The following SAMD4B variants were observed in gnomAD, a reference collection of about 807,000 sequenced individuals.
SAMD4B encodes sterile alpha motif domain containing 4B, also known as protein Smaug homolog 2.
In SAMD4B, 5 loss-of-function variants were observed where a neutral mutation model predicts 74.5. The observed-to-expected ratio is 0.07, with a 90% CI of 0.04 to 0.14. SAMD4B has a LOEUF of 0.14. Ranked by LOEUF, SAMD4B falls within the 10% of genes least tolerant of loss-of-function variation. The pLI, the probability that SAMD4B is intolerant of heterozygous loss-of-function variation, is 1.00. For missense variants in SAMD4B, 608 were observed against 921.8 expected (o/e 0.66, Z 4.41); for synonymous variants, 373 against 374.9 (o/e 1.00, Z 0.06).
Position 39,376,556 on chromosome 19 carries a change from A to C in SAMD4B, c.1017+10A>C, listed in dbSNP as rs1306117670. On this transcript the variant is annotated intron_variant, in intron 6 of 13. Coordinates refer to ENST00000610417, the MANE Select transcript of SAMD4B (RefSeq NM_001384574.2). ...GCACCTGGAGTCTCAGGTGAAGCCA[A>C]GGGGACCATCAGGGAGGTGCTGGGG... 27 of 1,610,202 alleles carry C rather than the reference A, an allele frequency of 1.7e-5. 1 individual carries two copies. Among genetic ancestry groups the C allele is most frequent in the South Asian group, 1.4e-4 (13 of 90,994 alleles).
intron 1 of SAMD4B, among the ~76,000 whole-genome samples, chr19:39,346,918 A>C (rs2075736016): frequency 6.6e-6 from 1 of 152,220 alleles, no homozygotes; most frequent in Admixed American, 6.5e-5. Context: ...GGATTAAATA[A>C]GTTAATACAT....
At chr19:39,352,769 G>T (rs1436524269) in intron 1 of SAMD4B, among the ~76,000 whole-genome samples, 1 of 149,768 alleles carries the variant, frequency 6.7e-6, no homozygotes, top group Non-Finnish European at 1.5e-5. Flanking sequence ...TGGAGGGGGG[G>T]AACAGTGCTG....
At chr19:39,360,935 GC>G (rs2076610115) in intron 3 of SAMD4B, among the ~76,000 whole-genome samples, 1 of 152,116 alleles carries the variant, frequency 6.6e-6, no homozygotes, top group Admixed American at 6.6e-5. Context: ...GAGAGGTGAT[GC>G]CCTGCTGGAT....
At position 39,385,244 on chromosome 19, in the gene SAMD4B, T is replaced by A; in HGVS notation, c.*1717T>A. ...CTTCTCCAGTCCCCCTCCCACTAGC[T>A]GCAGGAAGTGGGATGGATGGGCCAC... is the stretch of plus-strand genomic sequence containing the variant. On this transcript the variant is annotated 3_prime_UTR_variant, in exon 14 of 14. Transcript: ENST00000610417. 13 of 256,740 alleles carry A rather than the reference T, an allele frequency of 5.1e-5. No individual in the cohort carries two copies. Among genetic ancestry groups the A allele is most frequent in the East Asian group, 6.8e-5 (1 of 14,638 alleles). The allele number at this position is 256,740 out of a possible 1,614,324, so 15.9% of individuals were successfully genotyped here. A position where few individuals can be genotyped will look rare whatever the true frequency, so the allele number is the denominator to read the frequency against.
intron 1 of SAMD4B, among the ~76,000 whole-genome samples, chr19:39,344,005 A>G (rs1311776531): frequency 1.2e-5 from 1 of 81,224 alleles, no homozygotes; most frequent in Non-Finnish European, 2.6e-5. Context: ...ACACACACAC[A>G]CAGCTTAGAG....
At chr19:39,358,784 G>C (rs1490243187) in intron 3 of SAMD4B, among the ~76,000 whole-genome samples, 1 of 152,136 alleles carries the variant, frequency 6.6e-6, no homozygotes, top group Admixed American at 6.5e-5. Flanking sequence ...CCATGAGGTA[G>C]GTCCTGTCAT....
At chr19:39,374,333 C>G (rs1473391316) in intron 4 of SAMD4B, among the ~76,000 whole-genome samples, 1 of 152,076 alleles carries the variant, frequency 6.6e-6, no homozygotes, top group Non-Finnish European at 1.5e-5. Context: ...ATGGAGCATC[C>G]TTCAGAAGAG....
Position 39,356,848 on chromosome 19 carries a change from GCCCTCGCCACCGCCGT to G in SAMD4B, c.-42_-27del. The G allele has an allele frequency of 6.5e-7, 1 of 1,529,878 alleles. No homozygotes were observed. Among genetic ancestry groups the G allele is most frequent in the South Asian group, 1.2e-5 (1 of 83,650 alleles). The allele number at this position is 1,529,878 out of a possible 1,614,324, so 94.8% of individuals were successfully genotyped here. A position where few individuals can be genotyped will look rare whatever the true frequency, so the allele number is the denominator to read the frequency against. ...GAGCCGGGACCATGTGACGGCGCTG[GCCCTCGCCACCGCCGT>G]CCCCCGACCCTGGCCCCAGGCCCGG... On this transcript the variant is annotated 5_prime_UTR_variant, in exon 3 of 14. Coordinates refer to ENST00000610417, the MANE Select transcript of SAMD4B (RefSeq NM_001384574.2).
chr19:39,380,063 A>C lies in SAMD4B; in HGVS notation c.1628A>C (p.Gln543Pro). 1.2e-6 allele frequency: 2 copies of C among 1,613,640 alleles called. No individual in the cohort carries two copies. Among genetic ancestry groups the C allele is most frequent in the South Asian group, 1.1e-5 (1 of 90,916 alleles). Residue 543 changes from glutamine (Q) to proline (P), a missense_variant, in exon 10 of 14, where the codon CAG (glutamine) becomes CCG (proline). Transcript: ENST00000610417. The part of the protein sequence containing the change: ...TFPRKAALEM[Q>P]NYRQQKGWAF... ...CCGCGCAAAGCCGCACTAGAGATGC[A>C]GAACTACCGGCAGCAGAAAGGGTAG...
chr19:39,385,259 G>A lies in SAMD4B; in HGVS notation c.*1732G>A, dbSNP rs2078216709. The A allele has an allele frequency of 9.5e-6, 3 of 314,656 alleles. No individual in the cohort carries two copies. The highest frequency in any genetic ancestry group is 1.7e-5 in the Non-Finnish European group (3 of 173,678). The allele number at this position is 314,656 out of a possible 1,614,324, so 19.5% of individuals were successfully genotyped here. ...TCCCACTAGCTGCAGGAAGTGGGAT[G>A]GATGGGCCACCTCGTTTGGAATCAG... On this transcript the variant is annotated 3_prime_UTR_variant, in exon 14 of 14. Transcript: ENST00000610417.
At chr19:39,379,381 G>A (rs1289088014) in intron 9 of SAMD4B, among the ~76,000 whole-genome samples, 1 of 152,110 alleles carries the variant, frequency 6.6e-6, no homozygotes, top group Non-Finnish European at 1.5e-5. Context: ...TTATACCTCA[G>A]GGACACCTTT....
At chr19:39,353,440 C>G (rs1355647551) in intron 1 of SAMD4B, among the ~76,000 whole-genome samples, 2 of 151,952 alleles carry the variant, frequency 1.3e-5, no homozygotes, top group African/African-American at 2.4e-5. Context: ...CATTTATACA[C>G]ATATAGACAT....
At chr19:39,342,727 C>T (rs1002855243) in intron 1 of SAMD4B, among the ~76,000 whole-genome samples, 151 bp downstream of exon 1, 8 of 150,778 alleles carry the variant, frequency 5.3e-5, no homozygotes, top group Non-Finnish European at 1.2e-4. Context: ...ACGCGGGCCT[C>T]GGGGGGCCGG....
chr19:39,357,904 C>T (rs746989117), intron 3 of SAMD4B, among the ~76,000 whole-genome samples: 6 of 152,214 alleles, frequency 3.9e-5, no homozygotes, highest in African/African-American at 1.4e-4. Context: ...GCACCTTCTT[C>T]TTCAGAATAA....
At position 39,383,141 on chromosome 19, in the gene SAMD4B, C is replaced by T; in HGVS notation, c.1973-67C>T. 1 of 1,267,148 alleles carries T rather than the reference C, an allele frequency of 7.9e-7. No individual in the cohort carries two copies. Among genetic ancestry groups the T allele is most frequent in the Non-Finnish European group, 1.2e-6 (1 of 863,372 alleles). 78.5% of individuals were successfully genotyped at this position (1,267,148 alleles called of 1,614,324 possible). A position where few individuals can be genotyped will look rare whatever the true frequency, so the allele number is the denominator to read the frequency against. ...CCCTTCCCATACCAGCATCCTTTGT[C>T]ATCCCAGCTGTCTTCACCTGAGTCC... is the stretch of plus-strand genomic sequence containing the variant. On this transcript the variant is annotated intron_variant, in intron 12 of 13. Coordinates refer to ENST00000610417, the MANE Select transcript of SAMD4B (RefSeq NM_001384574.2). This position sits in a 1 kb window ranked among gnomAD's most constrained non-coding sequence, Gnocchi z 4.1.
In SAMD4B at chr19:39,376,433, A is replaced by G; in HGVS notation, c.908-4A>G. The G allele has an allele frequency of 1.2e-6, 2 of 1,609,888 alleles. No individual in the cohort carries two copies. The highest frequency in any genetic ancestry group is 8.5e-7 in the Non-Finnish European group (1 of 1,178,830). ...GACCTTTCACTCTCCCTCCTTTGCC[A>G]AAGATGTGCCCTCATGGCTCAAGAG... On this transcript the variant is annotated splice_region_variant and splice_polypyrimidine_tract_variant and intron_variant, in intron 5 of 13. Coordinates refer to ENST00000610417, the MANE Select transcript of SAMD4B (RefSeq NM_001384574.2).
At chr19:39,365,375 A>G (rs1202001111) in intron 3 of SAMD4B, among the ~76,000 whole-genome samples, 1 of 151,972 alleles carries the variant, frequency 6.6e-6, no homozygotes, top group Non-Finnish European at 1.5e-5. Flanking sequence ...CCAATATGGC[A>G]AAAGCCCGTC....
At position 39,378,635 on chromosome 19, in the gene SAMD4B, G is replaced by C. The variant is rs762420588; in HGVS notation, c.1530+46G>C. The C allele has an allele frequency of 1.3e-6, 2 of 1,569,390 alleles. No individual in the cohort carries two copies. Among genetic ancestry groups the C allele is most frequent in the African/African-American group, 1.4e-5 (1 of 73,944 alleles). ...CTCAAAAAGGGAAAGGCGGCCAGGC[G>C]TGGTGGTTCACGCCTGTAGTCCCAG... On this transcript the variant is annotated intron_variant, in intron 9 of 13. Coordinates refer to ENST00000610417, the MANE Select transcript of SAMD4B (RefSeq NM_001384574.2). This position sits in a 1 kb window ranked among gnomAD's most constrained non-coding sequence, Gnocchi z 4.4.
At chr19:39,389,998 G>C, downstream of SAMD4B, 1 of 1,287,692 alleles carries the variant, frequency 7.8e-7, no homozygotes, top group Non-Finnish European at 1.1e-6. This position sits in a 1 kb window ranked among gnomAD's most constrained non-coding sequence, Gnocchi z 5.3. Flanking sequence ...GCAGACAGCA[G>C]CCAACGAGAC....
Sources: allele counts gnomAD v4.1 joint callset (sites outside exome capture counted in the v4.1 genomes callset), GRCh38; gene constraint gnomAD v4.1.1; non-coding constraint Gnocchi (gnomAD v3.1); transcripts MANE v1.5; gene names NCBI Gene and HGNC (gene_info 2026-07-23, HGNC 2026-07-21).